The following ABCA3 variants were observed in gnomAD, a reference collection of about 807,000 sequenced individuals.
The protein encoded by ABCA3 is ATP binding cassette subfamily A member 3, also known as phospholipid-transporting ATPase ABCA3.
In ABCA3, 88 loss-of-function variants were observed where a neutral mutation model predicts 172.8. The ratio of observed to expected loss-of-function variants is 0.51; its 90% CI spans 0.43 to 0.61. The LOEUF is 0.61. ABCA3 is among the 20% of genes least tolerant of loss of function. The pLI is 0.00. For synonymous variants in ABCA3, 1,066 were observed against 983.8 expected (o/e 1.08, Z -1.56); for missense variants, 2,164 against 2,301.0 (o/e 0.94, Z 1.22).
chr16:2,316,602 C>T (rs942853998), intron 10 of ABCA3, among the ~76,000 whole-genome samples: 2 of 146,834 alleles, frequency 1.4e-5, no homozygotes, highest in African/African-American at 5.0e-5. Flanking sequence ...CACTTGAATC[C>T]CAGAGGCAGA....
rs2093657428 is a variant in ABCA3 at position 2,283,061 on chromosome 16, G to A, written c.4035+125C>T. Reference sequence around the variant, plus strand: ...CCGGCTGGTGCTGAGGCCGTACAGTGGGAGACCATCTGGTGCAGGAGCTGC... The same window carrying A: ...CCGGCTGGTGCTGAGGCCGTACAGTAGGAGACCATCTGGTGCAGGAGCTGC... On this transcript the variant is annotated intron_variant, in intron 26 of 32. Transcript: ENST00000301732. The surrounding 1 kb of genome is among the most constrained non-coding windows in gnomAD (Gnocchi z 5.4). The A allele has an allele frequency of 2.7e-6, 3 of 1,122,000 alleles. No individual in the cohort carries two copies. The highest frequency in any genetic ancestry group is 1.3e-5 in the South Asian group (1 of 74,970). 69.5% of individuals were successfully genotyped at this position (1,122,000 alleles called of 1,614,324 possible).
chr16:2,281,580 CG>C lies in ABCA3; in HGVS notation c.4036-72del. ...GCGGCTTCCGTGGAGAAGGGAGGGGCGGGGGTGGATGTGGGAGGTCTGGTGG... is the reference window on the plus strand; with the variant it reads ...GCGGCTTCCGTGGAGAAGGGAGGGGCGGGGTGGATGTGGGAGGTCTGGTGG... On this transcript the variant is annotated intron_variant, in intron 26 of 32. Coordinates refer to ENST00000301732, the MANE Select transcript of ABCA3 (RefSeq NM_001089.3). This position sits in a 1 kb window ranked among gnomAD's most constrained non-coding sequence, Gnocchi z 4.7. The C allele has an allele frequency of 1.6e-5, 5 of 319,046 alleles. No homozygotes were observed. Among genetic ancestry groups the C allele is most frequent in the African/African-American group, 3.9e-5 (1 of 25,602 alleles). The allele number at this position is 319,046 out of a possible 1,614,324, so 19.8% of individuals were successfully genotyped here. A position where few individuals can be genotyped will look rare whatever the true frequency, so the allele number is the denominator to read the frequency against.
chr16:2,294,067 A>G (rs2093676155), intron 18 of ABCA3, among the ~76,000 whole-genome samples: 3 of 149,936 alleles, frequency 2.0e-5, no homozygotes. Context: ...CCAGGGGTGC[A>G]GGGGTGCAGG....
In ABCA3 at chr16:2,290,868, C is replaced by T. The variant is rs1274274531; in HGVS notation, c.2514-1248G>A. On this transcript the variant is annotated intron_variant, in intron 19 of 32. Transcript: ENST00000301732. ...TCCCTAAGGAGGAAAACCTATCTCA[C>T]GTTTTTTTCTTTTTCTTTTGACACA... 4.6e-5 allele frequency among the ~76,000 whole-genome samples: 7 copies of T among 152,290 alleles called. No homozygotes were observed. In the East Asian group the frequency reaches 7.8e-4, roughly 17 times the overall value.
At position 2,285,819 on chromosome 16, in the gene ABCA3, G is replaced by A. The variant is rs764448270; in HGVS notation, c.3279-173C>T. Among the ~76,000 whole-genome samples the A allele has an allele frequency of 6.6e-6, 1 of 152,140 alleles. No homozygotes were observed. Among genetic ancestry groups the A allele is most frequent in the Non-Finnish European group, 1.5e-5 (1 of 68,020 alleles). On this transcript the variant is annotated intron_variant, in intron 22 of 32. Coordinates refer to ENST00000301732, the MANE Select transcript of ABCA3 (RefSeq NM_001089.3). The surrounding 1 kb of genome is among the most constrained non-coding windows in gnomAD (Gnocchi z 4.7). ...CATACCGGGAACATCTGCCCCCACCGGAGAACGGTTCCTCTGGAATTCCTA... is the reference window on the plus strand; with the variant it reads ...CATACCGGGAACATCTGCCCCCACCAGAGAACGGTTCCTCTGGAATTCCTA...
At position 2,278,890 on chromosome 16, in the gene ABCA3, G is replaced by A. The variant is rs999189823; in HGVS notation, c.4547+53C>T. On this transcript the variant is annotated intron_variant, in intron 29 of 32. Transcript: ENST00000301732. The surrounding 1 kb of genome is among the most constrained non-coding windows in gnomAD (Gnocchi z 4.4). ...CGGTCACTCCCAGCTCTATGCTATG[G>A]GGACCTTGATTCTGACTCCACTCTG... 9.3e-6 allele frequency: 15 copies of A among 1,610,724 alleles called. No homozygotes were observed. The highest frequency in any genetic ancestry group is 1.3e-5 in the Non-Finnish European group (15 of 1,178,950).
intron 11 of ABCA3, among the ~76,000 whole-genome samples, chr16:2,304,916 T>C (rs1460860363): frequency 1.3e-5 from 2 of 151,970 alleles, no homozygotes; most frequent in Non-Finnish European, 2.9e-5. Flanking sequence ...ACCTTGTGAT[T>C]CGCCTGCCTC....
At chr16:2,300,959 G>A (rs1421513187) in intron 12 of ABCA3, among the ~76,000 whole-genome samples, 5 of 150,232 alleles carry the variant, frequency 3.3e-5, no homozygotes, top group East Asian at 1.9e-4. Context: ...GGCTGGGCAC[G>A]GTGGCTCGAG....
At position 2,285,715 on chromosome 16, in the gene ABCA3, G is replaced by A. The variant is rs954274262; in HGVS notation, c.3279-69C>T. 18 of 1,479,604 alleles carry A rather than the reference G, an allele frequency of 1.2e-5. No individual in the cohort carries two copies. Among genetic ancestry groups the A allele is most frequent in the Admixed American group, 9.8e-5 (5 of 50,902 alleles). The allele number at this position is 1,479,604 out of a possible 1,614,324, so 91.7% of individuals were successfully genotyped here. The stretch of plus-strand genomic sequence containing the variant: ...GGGTGGCAGGAGAGGTCGGGTTCTC[G>A]GTTATGACCGCCCAAGGCATGCAGG... On this transcript the variant is annotated intron_variant, in intron 22 of 32. Coordinates refer to ENST00000301732, the MANE Select transcript of ABCA3 (RefSeq NM_001089.3). The surrounding 1 kb of genome is among the most constrained non-coding windows in gnomAD (Gnocchi z 4.7).
At chr16:2,313,920 TGA>T (rs1486389466) in intron 10 of ABCA3, among the ~76,000 whole-genome samples, 1 of 147,680 alleles carries the variant, frequency 6.8e-6, no homozygotes, top group African/African-American at 2.5e-5. Flanking sequence ...TTAACAGACG[TGA>T]AAGACTGAGA....
chr16:2,284,671 T>A lies in ABCA3; in HGVS notation c.3703+108A>T. 1 of 1,295,600 alleles carries A rather than the reference T, an allele frequency of 7.7e-7. No individual in the cohort carries two copies. The highest frequency in any genetic ancestry group is 1.3e-5 in the South Asian group (1 of 77,222). The allele number at this position is 1,295,600 out of a possible 1,614,324, so 80.3% of individuals were successfully genotyped here. A position where few individuals can be genotyped will look rare whatever the true frequency, so the allele number is the denominator to read the frequency against. On this transcript the variant is annotated intron_variant, in intron 24 of 32. Coordinates refer to ENST00000301732, the MANE Select transcript of ABCA3 (RefSeq NM_001089.3). The surrounding 1 kb of genome is among the most constrained non-coding windows in gnomAD (Gnocchi z 5.9). ...GGCAGAGGGGCTGGTGAGCATGAAC[T>A]GGGCCCATTGCCTGAGTCCCGCCTC...
chr16:2,324,846 GCAGCCCGGGGTGGCTTCT>G (rs2093731842), intron 5 of ABCA3, among the ~76,000 whole-genome samples: 2 of 152,168 alleles, frequency 1.3e-5, no homozygotes, highest in African/African-American at 4.8e-5. Context: ...AGTGGGCTCT[GCAGCCCGGGGTGGCTTCT>G]CTTTCTCAAA....
intron 10 of ABCA3, among the ~76,000 whole-genome samples, chr16:2,310,717 C>T (rs1209915254): frequency 2.0e-5 from 3 of 151,824 alleles, no homozygotes; most frequent in East Asian, 1.9e-4. Flanking sequence ...GACAGGTTTT[C>T]GTCATGTTGC....
intron 17 of ABCA3, among the ~76,000 whole-genome samples, 183 bp from the exon 18 acceptor site, chr16:2,295,923 C>G (rs1015865895): frequency 6.6e-6 from 1 of 152,182 alleles, no homozygotes; most frequent in Admixed American, 6.5e-5. Flanking sequence ...AGGGTGTCAC[C>G]TCCCGCTCCT....
Position 2,279,595 on chromosome 16 carries a change from G to A in ABCA3, c.4360-465C>T, listed in dbSNP as rs2093651997. Among the ~76,000 whole-genome samples the A allele has an allele frequency of 6.6e-6, 1 of 152,216 alleles. No individual in the cohort carries two copies. The highest frequency in any genetic ancestry group is 1.5e-5 in the Non-Finnish European group (1 of 68,030). On this transcript the variant is annotated intron_variant, in intron 28 of 32. Transcript: ENST00000301732. The surrounding 1 kb of genome is among the most constrained non-coding windows in gnomAD (Gnocchi z 4.4). ...AGCTGTTCTCTGCACAAGTGACCAC[G>A]TCCAGCTGAATTAAGACGTGCCTGC... is the stretch of plus-strand genomic sequence containing the variant.
At position 2,276,401 on chromosome 16, in the gene ABCA3, G is replaced by A. The variant is rs2093646393; in HGVS notation, c.*273C>T. Reference sequence around the variant, plus strand: ...TTCCTGGGTCAGCTCTCCACCCAGAGACCCCGGAGCTTGCCCGCAGACTGC... The same window carrying A: ...TTCCTGGGTCAGCTCTCCACCCAGAAACCCCGGAGCTTGCCCGCAGACTGC... On this transcript the variant is annotated 3_prime_UTR_variant, in exon 33 of 33. Coordinates refer to ENST00000301732, the MANE Select transcript of ABCA3 (RefSeq NM_001089.3). 3.4e-6 allele frequency: 2 copies of A among 596,320 alleles called. No homozygotes were observed. Among genetic ancestry groups the A allele is most frequent in the Admixed American group, 4.4e-5 (2 of 45,774 alleles). The allele number at this position is 596,320 out of a possible 1,614,324, so 36.9% of individuals were successfully genotyped here. A position where few individuals can be genotyped will look rare whatever the true frequency, so the allele number is the denominator to read the frequency against.
At chr16:2,309,860 T>A (rs1301011525) in intron 10 of ABCA3, among the ~76,000 whole-genome samples, 1 of 152,044 alleles carries the variant, frequency 6.6e-6, no homozygotes, top group Non-Finnish European at 1.5e-5. Flanking sequence ...GCTCAAGGGA[T>A]CCTCCCGCCC....
chr16:2,319,795 C>T lies in ABCA3; in HGVS notation c.659G>A (p.Arg220Gln), dbSNP rs769805747. 77 of 1,613,992 alleles carry T rather than the reference C, an allele frequency of 4.8e-5. No homozygotes were observed. The Admixed American group carries it at 8.2e-4, about 17-fold the overall frequency. ...GFLAVQHAVD[R>Q]AIMEYHADAA... Reference sequence around the variant, plus strand: ...ATCGGCATGGTACTCCATGATGGCCCGGTCCACAGCATGCTGCACGGCCAG... The same window carrying T: ...ATCGGCATGGTACTCCATGATGGCCTGGTCCACAGCATGCTGCACGGCCAG... The change falls in exon 8 of 33, where the codon CGG becomes CAG. Residue 220 changes from arginine to glutamine, a missense_variant. Transcript: ENST00000301732.
In ABCA3 at chr16:2,276,565, AAAAAAG is replaced by A; in HGVS notation, c.*103_*108del. 1 of 1,534,094 alleles carries A rather than the reference AAAAAAG, an allele frequency of 6.5e-7. No homozygotes were observed. The highest frequency in any genetic ancestry group is 1.9e-5 in the Admixed American group (1 of 53,258). ...CTTGAATTTTTCATATCCATCATAG[AAAAAAG>A]TGATTAAAAATAAAGGATGAGATAA... On this transcript the variant is annotated 3_prime_UTR_variant, in exon 33 of 33. Transcript: ENST00000301732.
Sources: gnomAD v4.1 joint callset for allele counts (sites outside exome capture counted in the v4.1 genomes callset) on GRCh38, gnomAD v4.1.1 for gene constraint, Gnocchi (gnomAD v3.1) non-coding constraint, MANE v1.5 for transcripts, NCBI Gene and HGNC (gene_info 2026-07-23, HGNC 2026-07-21) for gene names.